The following ATM variants were observed in gnomAD, a reference collection of about 807,000 sequenced individuals.
ATM encodes the protein serine-protein kinase ATM.
ATM carries 308 observed loss-of-function variants against 387.0 expected under a neutral mutation model. The ratio of observed to expected loss-of-function variants is 0.80; its 90% CI spans 0.73 to 0.87. The LOEUF is 0.87. Among genes scored for constraint, ATM ranks in the 40% least tolerant of loss-of-function variants. ATM has a pLI of 0.00. For synonymous variants in ATM, 1,156 were observed against 1,187.3 expected, an observed-to-expected ratio of 0.97 and a Z score of 0.54; for missense variants, 3,312 against 3,560.9, an observed-to-expected ratio of 0.93 and a Z score of 1.78.
chr11:108,317,304 GT>G lies in ATM; in HGVS notation c.6199-62del, dbSNP rs939856120. 6 of 1,517,086 alleles carry G rather than the reference GT, an allele frequency of 4.0e-6. No homozygotes were observed. The South Asian group carries it at 5.7e-5, about 15-fold the overall frequency. 94.0% of individuals were successfully genotyped at this position (1,517,086 alleles called of 1,614,324 possible). A position where few individuals can be genotyped will look rare whatever the true frequency, so the allele number is the denominator to read the frequency against. On this transcript the variant is annotated intron_variant, in intron 42 of 62. Coordinates refer to ENST00000675843, the MANE Select transcript of ATM (RefSeq NM_000051.4). Reference sequence around the variant, plus strand: ...GTCTAAGTTAATTTGTATCTTTGCTGTTTTTTTCTCTGGTTTTCTGTTGATA... The same window carrying G: ...GTCTAAGTTAATTTGTATCTTTGCTGTTTTTTCTCTGGTTTTCTGTTGATA...
intron 32 of ATM, chr11:108,295,367 C>T: frequency 5.9e-6 from 2 of 341,172 alleles, no homozygotes; most frequent in Admixed American, 9.0e-5. Flanking sequence ...CACTCTGTCA[C>T]CTAGGCTGGA....
chr11:108,351,942 C>CT (rs931801554), intron 59 of ATM, among the ~76,000 whole-genome samples: 10 of 152,282 alleles, frequency 6.6e-5, no homozygotes, highest in Admixed American at 3.3e-4. Flanking sequence ...TTCAGCCCTA[C>CT]TCAGCTATAG....
At position 108,366,358 on chromosome 11, in the gene ATM, C is replaced by G. The variant is rs1386034128; in HGVS notation, c.*850C>G. 14 of 214,012 alleles carry G rather than the reference C, an allele frequency of 6.5e-5. No individual in the cohort carries two copies. Among genetic ancestry groups the G allele is most frequent in the Non-Finnish European group, 1.2e-4 (13 of 106,130 alleles). 13.3% of individuals were successfully genotyped at this position (214,012 alleles called of 1,614,324 possible). ...TTGTTTTTCATTTCTAATTATGCAT[C>G]ATTTTTCAGATCTCTGTTTCTTGAT... On this transcript the variant is annotated 3_prime_UTR_variant, in exon 63 of 63. Transcript: ENST00000675843.
intron 29 of ATM, among the ~76,000 whole-genome samples, chr11:108,291,247 G>GA (rs2082780059): frequency 6.6e-6 from 1 of 151,828 alleles, no homozygotes; most frequent in South Asian, 2.1e-4. Flanking sequence ...AGAAAAGAAA[G>GA]AAAAAACAAA....
chr11:108,312,528 C>T (rs765772086), intron 40 of ATM, 30 bp downstream of exon 40: 1 of 1,444,888 alleles, frequency 6.9e-7, no homozygotes, highest in African/African-American at 1.4e-5. Context: ...TTATTTATGA[C>T]AGTATTTATC....
chr11:108,325,249 GTTTTT>G, intron 45 of ATM, 56 bp from the exon 46 acceptor site: 66 of 565,526 alleles, frequency 1.2e-4, no homozygotes, highest in Non-Finnish European at 1.3e-4. Flanking sequence ...AACTTACATA[GTTTTT>G]TTTTTTTTTT....
intron 16 of ATM, among the ~76,000 whole-genome samples, chr11:108,266,595 C>G (rs188171062): frequency 0.013 from 1,957 of 151,786 alleles, 53 homozygotes; most frequent in African/African-American, 0.044. Flanking sequence ...TGTAACTAAC[C>G]TGCACAATGT....
chr11:108,239,973 C>G (rs913039494), intron 5 of ATM, among the ~76,000 whole-genome samples: 2 of 152,192 alleles, frequency 1.3e-5, no homozygotes, highest in South Asian at 2.1e-4. Flanking sequence ...TGACTTTTAT[C>G]TTTTAGAGGA....
Position 108,345,927 on chromosome 11 carries a change from T to G in ATM, c.8584+19T>G. 6.2e-7 allele frequency: 1 copy of G among 1,612,856 alleles called. No homozygotes were observed. Among genetic ancestry groups the G allele is most frequent in the South Asian group, 1.1e-5 (1 of 91,024 alleles). On this transcript the variant is annotated intron_variant, in intron 58 of 62. Coordinates refer to ENST00000675843, the MANE Select transcript of ATM (RefSeq NM_000051.4). ...TCTATTGGTAATCTTCTTGTACATA[T>G]AGTAGATTGAGCACTTTGTTGTTTG...
At chr11:108,227,401 T>G in intron 1 of ATM, 194 bp from the exon 2 acceptor site, 1 of 504,042 alleles carries the variant, frequency 2.0e-6, no homozygotes, top group Non-Finnish European at 3.5e-6. Context: ...TTTAAGAAAA[T>G]CTCATTTTAA....
In ATM at chr11:108,271,409, A is replaced by C; in HGVS notation, c.3077+3A>C. 6.2e-7 allele frequency: 1 copy of C among 1,614,012 alleles called. No homozygotes were observed. Among genetic ancestry groups the C allele is most frequent in the South Asian group, 1.1e-5 (1 of 91,078 alleles). On this transcript the variant is annotated splice_donor_region_variant and intron_variant, in intron 20 of 62. Coordinates refer to ENST00000675843, the MANE Select transcript of ATM (RefSeq NM_000051.4). ...CTTACAGTAATTGGAGCATTTTGGT[A>C]GGTACAGTCTATTTTGTGGTCCTAT... is the stretch of plus-strand genomic sequence containing the variant.
At chr11:108,333,018 C>T in intron 53 of ATM, 118 bp downstream of exon 53, 1 of 1,298,520 alleles carries the variant, frequency 7.7e-7, no homozygotes. Context: ...AATCCAAAAG[C>T]TTAATTTATA....
chr11:108,323,078 G>C (rs2085349079), intron 45 of ATM, among the ~76,000 whole-genome samples: 1 of 152,118 alleles, frequency 6.6e-6, no homozygotes, highest in Non-Finnish European at 1.5e-5. Context: ...GGATATAAAT[G>C]ACTAAGGTCA....
intron 20 of ATM, among the ~76,000 whole-genome samples, chr11:108,272,024 C>G (rs1321620878): frequency 1.3e-5 from 2 of 152,156 alleles, no homozygotes; most frequent in African/African-American, 4.8e-5. Flanking sequence ...AGGCTCCCAC[C>G]ACAATGCCTG....
rs1486083030 is a variant in ATM, at chr11:108,247,131, CAGTA to C, written c.1065+9_1065+12del. 6.2e-7 allele frequency: 1 copy of C among 1,613,320 alleles called. No individual in the cohort carries two copies. The highest frequency in any genetic ancestry group is 1.7e-5 in the Admixed American group (1 of 59,976). ...GATGGCAGATATCTGTCACCAGGTA[CAGTA>C]AGTAGGTCATGTCACATTTAGAAAT... On this transcript the variant is annotated splice_donor_5th_base_variant and intron_variant, in intron 8 of 62. Transcript: ENST00000675843.
In ATM at chr11:108,250,896, G is replaced by C. The variant is rs1555070941; in HGVS notation, c.1431G>C (p.Lys477Asn). 6.2e-7 allele frequency: 1 copy of C among 1,614,082 alleles called. No homozygotes were observed. The highest frequency in any genetic ancestry group is 8.5e-7 in the Non-Finnish European group (1 of 1,180,010). ...DKRSNLESSQ[K>N]SDLLKLWNKI... ...GGTCAAACCTAGAAAGCTCACAAAA[G>C]TCAGATTTATTAAAACTCTGGAATA... Residue 477 changes from lysine to asparagine, a missense_variant, in exon 10 of 63, where the codon AAG (lysine) becomes AAC (asparagine). This residue lies in a region of ATM where 1,791 missense variants were observed against 1,804.5 expected (regional missense o/e 0.99). Transcript: ENST00000675843.
At chr11:108,325,759 C>T (rs891026944) in intron 46 of ATM, among the ~76,000 whole-genome samples, 1 of 152,072 alleles carries the variant, frequency 6.6e-6, no homozygotes, top group African/African-American at 2.4e-5. Context: ...CCTCAATTTC[C>T]TGGTTATAAA....
At chr11:108,227,964 G>C (rs2078830314) in intron 3 of ATM, 76 bp downstream of exon 3, 1 of 1,267,276 alleles carries the variant, frequency 7.9e-7, no homozygotes, top group Non-Finnish European at 1.1e-6. Flanking sequence ...TTACTTTTGT[G>C]TGTAAGTCTT....
intron 42 of ATM, among the ~76,000 whole-genome samples, chr11:108,316,463 C>T (rs2084660080): frequency 6.6e-6 from 1 of 152,106 alleles, no homozygotes; most frequent in Admixed American, 6.5e-5. Context: ...CTTATGTAAA[C>T]TATTTCTCAT....
Sources: gnomAD v4.1 joint callset for allele counts (sites outside exome capture counted in the v4.1 genomes callset) on GRCh38, gnomAD v4.1.1 for gene constraint, gnomAD v4.1.1 regional missense constraint, MANE v1.5 for transcripts, NCBI Gene and HGNC (gene_info 2026-07-23, HGNC 2026-07-21) for gene names.